The following CREBBP variants were observed in gnomAD, a reference collection of about 807,000 sequenced individuals.
CREBBP encodes the protein CREB-binding protein.
CREBBP carries 19 observed loss-of-function variants against 265.0 expected under a neutral mutation model. That is an observed-to-expected ratio of 0.07 (90% CI 0.05 to 0.11). The LOEUF (loss-of-function observed/expected upper bound fraction) is 0.11. CREBBP is among the 10% of genes least tolerant of loss of function. The pLI, the probability that CREBBP is intolerant of heterozygous loss-of-function variation, is 1.00. For missense variants in CREBBP, 2,525 were observed against 3,219.0 expected, an observed-to-expected ratio of 0.78 and a Z score of 5.22; for synonymous variants, 1,457 against 1,223.7, an observed-to-expected ratio of 1.19 and a Z score of -3.98.
intron 1 of CREBBP, among the ~76,000 whole-genome samples, chr16:3,856,172 C>T (rs1198656610): frequency 6.6e-6 from 1 of 152,222 alleles, no homozygotes; most frequent in Admixed American, 6.5e-5. Context: ...TGCTCTGTCA[C>T]CTCTGTGCAA....
intron 21 of CREBBP, among the ~76,000 whole-genome samples, chr16:3,748,033 T>G (rs925171012): frequency 2.0e-5 from 3 of 152,156 alleles, no homozygotes; most frequent in African/African-American, 7.2e-5. Flanking sequence ...GAGGTTGCGG[T>G]GAGCTGAGAT....
intron 3 of CREBBP, among the ~76,000 whole-genome samples, chr16:3,801,951 C>G (rs2053722423): frequency 6.6e-6 from 1 of 152,000 alleles, no homozygotes; most frequent in South Asian, 2.1e-4. Flanking sequence ...TAACACAAAG[C>G]TCACTGAGCC....
chr16:3,823,957 AACAC>A (rs57902688), intron 2 of CREBBP, among the ~76,000 whole-genome samples: 83,458 of 147,748 alleles, frequency 0.56, 23,701 homozygotes, highest in East Asian at 0.81. Flanking sequence ...AGGCTGTGGC[AACAC>A]ACACACACAC....
At chr16:3,738,437 T>C (rs1261327784) in intron 26 of CREBBP, 122 bp downstream of exon 26, 4 of 718,562 alleles carry the variant, frequency 5.6e-6, no homozygotes, top group African/African-American at 3.6e-5. Flanking sequence ...AGATTCTGAA[T>C]TGATCTTAGG....
At position 3,850,588 on chromosome 16, in the gene CREBBP, T is replaced by C; in HGVS notation, c.507A>G (p.Ser169=). 6.2e-7 allele frequency: 1 copy of C among 1,614,266 alleles called. No homozygotes were observed. Among genetic ancestry groups the C allele is most frequent in the Non-Finnish European group, 8.5e-7 (1 of 1,180,048 alleles). Residue 169 remains serine, a synonymous_variant, in exon 2 of 31, where the codon TCA becomes TCG. Transcript: ENST00000262367. The part of the protein sequence containing the change: ...VGLATSSPAT[S]QTGPGICMNA... ...TCATGCAGATACCAGGTCCAGTCTG[T>C]GACGTGGCAGGGCTGCTAGTCGCCA...
At chr16:3,812,550 A>G (rs529766110) in intron 2 of CREBBP, among the ~76,000 whole-genome samples, 2 of 151,644 alleles carry the variant, frequency 1.3e-5, no homozygotes, top group East Asian at 3.9e-4. Context: ...AGATAAAGGC[A>G]GGAATGGGAA....
At chr16:3,871,613 T>C (rs1417279535) in intron 1 of CREBBP, among the ~76,000 whole-genome samples, 2 of 152,248 alleles carry the variant, frequency 1.3e-5, no homozygotes, top group Admixed American at 6.5e-5. Context: ...CTACATGTTA[T>C]CATACAGAAC....
At chr16:3,738,510 A>C (rs760774876) in intron 26 of CREBBP, 49 bp downstream of exon 26, 2 of 1,142,740 alleles carry the variant, frequency 1.8e-6, no homozygotes, top group Admixed American at 3.5e-5. Context: ...AACATACAGT[A>C]AAAAATAAAG....
chr16:3,731,662 T>G lies in CREBBP; in HGVS notation c.4890+114A>C. On this transcript the variant is annotated intron_variant, in intron 29 of 30. Coordinates refer to ENST00000262367, the MANE Select transcript of CREBBP (RefSeq NM_004380.3). This position sits in a 1 kb window ranked among gnomAD's most constrained non-coding sequence, Gnocchi z 7.7. ...CACCCAACTGGTCCACTTGGTTTCC[T>G]GGGGGCCACTTCCCTCCCACCACAG... 1 of 1,508,992 alleles carries G rather than the reference T, an allele frequency of 6.6e-7. No homozygotes were observed. Among genetic ancestry groups the G allele is most frequent in the Non-Finnish European group, 9.2e-7 (1 of 1,089,348 alleles). 93.5% of individuals were successfully genotyped at this position (1,508,992 alleles called of 1,614,324 possible). A position where few individuals can be genotyped will look rare whatever the true frequency, so the allele number is the denominator to read the frequency against.
chr16:3,850,684 T>A lies in CREBBP; in HGVS notation c.411A>T (p.Ala137=), dbSNP rs758848694. The A allele has an allele frequency of 6.8e-6, 11 of 1,614,070 alleles. No individual in the cohort carries two copies. The African/African-American group carries it at 1.3e-4, about 20-fold the overall frequency. Residue 137 remains alanine (A), a synonymous_variant, in exon 2 of 31, where the codon GCA becomes GCT. Transcript: ENST00000262367. ...CGGGGGTGGGCCCAGAGGTGCTGGCTGCCTGTTTAGGCAGGCTGGGGGCTG... is the reference window on the plus strand; with the variant it reads ...CGGGGGTGGGCCCAGAGGTGCTGGCAGCCTGTTTAGGCAGGCTGGGGGCTG... The part of the protein sequence containing the change: ...DSSAPSLPKQ[A]ASTSGPTPAA...
chr16:3,798,877 T>TA (rs2053658241), intron 3 of CREBBP, among the ~76,000 whole-genome samples: 1 of 152,254 alleles, frequency 6.6e-6, no homozygotes, highest in South Asian at 2.1e-4. Context: ...ACGAAAACTG[T>TA]AAAAAATGTT....
chr16:3,737,777 TTTTCTTTTC>T (rs1458160497), intron 26 of CREBBP, among the ~76,000 whole-genome samples: 2 of 151,608 alleles, frequency 1.3e-5, no homozygotes, highest in African/African-American at 4.9e-5. Context: ...ATTTTTCTTT[TTTTCTTTTC>T]TTTCTTTTTT....
chr16:3,780,849 C>T lies in CREBBP; in HGVS notation c.1706G>A (p.Gly569Asp). 6.2e-7 allele frequency: 1 copy of T among 1,613,590 alleles called. No homozygotes were observed. The highest frequency in any genetic ancestry group is 8.5e-7 in the Non-Finnish European group (1 of 1,180,014). The part of the protein sequence containing the change: ...NPLMNDGSNS[G>D]NIGTLSTIPT... ...TATAGTGCTGAGGGTTCCAATGTTA[C>T]CAGAGTTGGAGCCATCGTTCATCAG... is the stretch of plus-strand genomic sequence containing the variant. Residue 569 changes from glycine to aspartate, a missense_variant, in exon 8 of 31, where the codon GGT becomes GAT. Transcript: ENST00000262367.
In CREBBP at chr16:3,880,025, C is replaced by G. The variant is rs1246780818; in HGVS notation, c.-109G>C. 4 of 947,150 alleles carry G rather than the reference C, an allele frequency of 4.2e-6. No homozygotes were observed. The highest frequency in any genetic ancestry group is 4.7e-5 in the South Asian group (1 of 21,482). The allele number at this position is 947,150 out of a possible 1,614,324, so 58.7% of individuals were successfully genotyped here. On this transcript the variant is annotated 5_prime_UTR_variant, in exon 1 of 31. Coordinates refer to ENST00000262367, the MANE Select transcript of CREBBP (RefSeq NM_004380.3). The stretch of plus-strand genomic sequence containing the variant: ...GCGAGGGAGAGGAGCGAGCGCGGGC[C>G]GCGAGCGGGCGGGCGGGCGCCGAGG...
chr16:3,729,089 C>T lies in CREBBP; in HGVS notation c.5958G>A (p.Thr1986=), dbSNP rs774747147. ...TCTGGCTCCCCGGGGTCCCCATGCCCGTGCGTCCTGGGGGCATGCTGTTGT... is the reference window on the plus strand; with the variant it reads ...TCTGGCTCCCCGGGGTCCCCATGCCTGTGCGTCCTGGGGGCATGCTGTTGT... The part of the protein sequence containing the change: ...NINNSMPPGR[T]GMGTPGSQMA... Residue 1986 remains threonine (T), a synonymous_variant, in exon 31 of 31, where the codon ACG becomes ACA. Transcript: ENST00000262367. 95 of 1,584,620 alleles carry T rather than the reference C, an allele frequency of 6.0e-5. No homozygotes were observed. In the South Asian group the frequency reaches 8.1e-4, roughly 14 times the overall value.
chr16:3,768,965 C>T (rs970258069), intron 15 of CREBBP, among the ~76,000 whole-genome samples: 19 of 152,126 alleles, frequency 1.2e-4, no homozygotes, highest in African/African-American at 1.2e-4. Context: ...TTCTTCATTT[C>T]GGGCAAAATA....
chr16:3,816,920 G>C (rs1169100451), intron 2 of CREBBP, among the ~76,000 whole-genome samples: 1 of 152,134 alleles, frequency 6.6e-6, no homozygotes, highest in Non-Finnish European at 1.5e-5. Flanking sequence ...CCACGAACAA[G>C]TGACCAAAGT....
chr16:3,844,797 T>C (rs2054632353), intron 2 of CREBBP, among the ~76,000 whole-genome samples: 1 of 152,110 alleles, frequency 6.6e-6, no homozygotes, highest in South Asian at 2.1e-4. Context: ...CTTTCCTATA[T>C]TAAAATAGCC....
intron 18 of CREBBP, 81 bp downstream of exon 18, chr16:3,757,728 G>T: frequency 6.3e-7 from 1 of 1,578,972 alleles, no homozygotes; most frequent in Non-Finnish European, 8.6e-7. Flanking sequence ...CAGTATACAG[G>T]CGTGGTCTCA....
Sources: gnomAD v4.1 joint callset for allele counts (sites outside exome capture counted in the v4.1 genomes callset) on GRCh38, gnomAD v4.1.1 for gene constraint, Gnocchi (gnomAD v3.1) non-coding constraint, MANE v1.5 for transcripts, NCBI Gene and HGNC (gene_info 2026-07-23, HGNC 2026-07-21) for gene names.